Variants in PCDH11Y observed in about 807,000 individuals in gnomAD.
PCDH11Y encodes protocadherin-11 Y-linked.
For missense variants in PCDH11Y, 12 were observed against 224.8 expected (o/e 0.05, Z 6.05); for synonymous variants, 9 against 83.6 (o/e 0.11, Z 4.87).
chrY:5,263,268 C>G, intron 2 of PCDH11Y, among the ~76,000 whole-genome samples: 1 of 30,870 alleles, frequency 3.2e-5, no homozygotes, highest in Admixed American at 3.0e-4. Context: ...TGAATTGTAA[C>G]ACCCACAATT....
intron 2 of PCDH11Y, among the ~76,000 whole-genome samples, chrY:5,486,871 T>A (rs1456255769): frequency 0.038 from 754 of 20,064 alleles, no homozygotes; most frequent in Middle Eastern, 0.25. Context: ...TGCCTCAGCC[T>A]CCTGAGTAGC....
downstream of PCDH11Y, among the ~76,000 whole-genome samples, chrY:5,105,704 A>G (rs2052791397): frequency 6.1e-5 from 2 of 32,867 alleles, no homozygotes; most frequent in Admixed American, 2.8e-4. Flanking sequence ...TTCTTTTTCC[A>G]TAAATATTTT....
intron 4 of PCDH11Y, among the ~76,000 whole-genome samples, chrY:5,644,571 C>T (rs2053525366): frequency 3.0e-5 from 1 of 33,449 alleles, no homozygotes; most frequent in African/African-American, 1.2e-4. Context: ...CAGTGGCTTA[C>T]GCCTGTAATC....
intron 4 of PCDH11Y, among the ~76,000 whole-genome samples, chrY:5,732,723 T>C (rs2053606079): frequency 3.0e-5 from 1 of 33,067 alleles, no homozygotes; most frequent in Non-Finnish European, 7.4e-5. Context: ...TTTATTGAAT[T>C]GTTACCTCAA....
intron 1 of PCDH11Y, among the ~76,000 whole-genome samples, chrY:5,029,247 T>G: frequency 3.2e-5 from 1 of 31,739 alleles, no homozygotes; most frequent in Admixed American, 2.9e-4. Flanking sequence ...AACACTTATT[T>G]CAATAAAATT....
At chrY:5,659,904 A>G in intron 4 of PCDH11Y, among the ~76,000 whole-genome samples, 2 of 28,594 alleles carry the variant, frequency 7.0e-5, no homozygotes, top group Non-Finnish European at 1.6e-4. Context: ...AAGTCAGTAC[A>G]TCTCAGAGCC....
chrY:5,075,405 A>G (rs2052706702), intron 1 of PCDH11Y, among the ~76,000 whole-genome samples: 1 of 33,558 alleles, frequency 3.0e-5, no homozygotes, highest in Non-Finnish European at 7.4e-5. Context: ...TCAAGCATTT[A>G]TCCTTTGTGT....
At chrY:5,234,236 CTTTTTTTTTTTTTTTT>C in intron 2 of PCDH11Y, among the ~76,000 whole-genome samples, 10 of 13,007 alleles carry the variant, frequency 7.7e-4, no homozygotes, top group African/African-American at 3.1e-3. Flanking sequence ...GTGACTGTTG[CTTTTTTTTTTTTTTTT>C]TTTTTTTTTT....
intron 2 of PCDH11Y, among the ~76,000 whole-genome samples, chrY:5,253,622 A>G: frequency 3.1e-5 from 1 of 32,060 alleles, no homozygotes. Flanking sequence ...TCAGTGCTTT[A>G]AAGAGTTAAT....
chrY:5,521,098 G>A (rs1602937523), intron 3 of PCDH11Y, among the ~76,000 whole-genome samples: 1 of 32,932 alleles, frequency 3.0e-5, no homozygotes, highest in East Asian at 7.9e-4. Context: ...ATCCCACTAA[G>A]TGTGTATGAG....
chrY:5,372,279 C>T, intron 2 of PCDH11Y, among the ~76,000 whole-genome samples: 1 of 32,874 alleles, frequency 3.0e-5, no homozygotes, highest in Admixed American at 2.8e-4. Flanking sequence ...AACTTTTACA[C>T]ATTTTATTCC....
At chrY:5,381,554 A>G in intron 2 of PCDH11Y, among the ~76,000 whole-genome samples, 1 of 33,532 alleles carries the variant, frequency 3.0e-5, no homozygotes, top group African/African-American at 1.2e-4. Flanking sequence ...ATCACTGTGA[A>G]TGCAGACATT....
chrY:5,305,059 C>T, intron 2 of PCDH11Y, among the ~76,000 whole-genome samples: 4 of 32,904 alleles, frequency 1.2e-4, no homozygotes, highest in Non-Finnish European at 2.2e-4. Flanking sequence ...AAAAGATTTG[C>T]CCTTCAATAT....
intron 3 of PCDH11Y, among the ~76,000 whole-genome samples, chrY:5,551,422 T>C: frequency 3.0e-5 from 1 of 33,048 alleles, no homozygotes; most frequent in Non-Finnish European, 7.5e-5. Context: ...ACACACAATA[T>C]GATTTTAAAA....
At chrY:5,571,060 A>G in intron 3 of PCDH11Y, among the ~76,000 whole-genome samples, 1 of 31,508 alleles carries the variant, frequency 3.2e-5, no homozygotes, top group African/African-American at 1.2e-4. Flanking sequence ...CTTTCGTTTC[A>G]ATTATTTCAT....
intron 2 of PCDH11Y, among the ~76,000 whole-genome samples, chrY:5,116,184 T>G: frequency 2.9e-5 from 1 of 34,219 alleles, no homozygotes; most frequent in Non-Finnish European, 7.3e-5. Flanking sequence ...TAGACAATCT[T>G]ATATCAGGAG....
intron 3 of PCDH11Y, among the ~76,000 whole-genome samples, chrY:5,049,292 T>TAGTTTGA (rs2052647501): frequency 3.3e-5 from 1 of 30,439 alleles, no homozygotes; most frequent in East Asian, 8.9e-4. Flanking sequence ...CCCTGTAGTA[T>TAGTTTGA]AGTTTGAAGT....
chrY:5,214,632 T>C, intron 2 of PCDH11Y, among the ~76,000 whole-genome samples: 2 of 32,691 alleles, frequency 6.1e-5, no homozygotes, highest in African/African-American at 2.4e-4. Context: ...TCCAGAATGG[T>C]CCTCTCCATT....
chrY:5,097,138 G>A, intron 1 of PCDH11Y, among the ~76,000 whole-genome samples: 1 of 11,640 alleles, frequency 8.6e-5, no homozygotes, highest in Non-Finnish European at 1.4e-4. Context: ...CCTTGTGCTT[G>A]CATGTTAAAA....
Sources: gnomAD v4.1 joint callset for allele counts (sites outside exome capture counted in the v4.1 genomes callset) on GRCh38, gnomAD v4.1.1 for gene constraint, MANE v1.5 for transcripts, NCBI Gene and HGNC (gene_info 2026-07-23, HGNC 2026-07-21) for gene names.